Variants in NDUFAF2 observed in about 807,000 individuals in gnomAD.
The protein encoded by NDUFAF2 is NADH dehydrogenase [ubiquinone] 1 alpha subcomplex assembly factor 2.
A neutral mutation model predicts 22.8 loss-of-function variants in NDUFAF2; 13 were observed. The observed-to-expected ratio is 0.57, with a 90% CI of 0.37 to 0.91. The LOEUF (loss-of-function observed/expected upper bound fraction) is 0.91, where lower values mean the gene tolerates loss of function less well. Among genes scored for constraint, NDUFAF2 ranks in the 40% least tolerant of loss-of-function variants. NDUFAF2 has a pLI of 0.01. For synonymous variants in NDUFAF2, 53 were observed against 64.2 expected (o/e 0.83, Z 0.84); for missense variants, 162 against 195.2 (o/e 0.83, Z 1.01).
At chr5:61,073,333 A>C in intron 2 of NDUFAF2, 119 bp downstream of exon 2, 1 of 778,960 alleles carries the variant, frequency 1.3e-6, no homozygotes. Context: ...TTAGTGTCTG[A>C]ATGTTTGAAA....
chr5:61,017,545 A>C (rs2112601512), intron 1 of NDUFAF2, among the ~76,000 whole-genome samples: 1 of 152,328 alleles, frequency 6.6e-6, no homozygotes, highest in Non-Finnish European at 1.5e-5. Context: ...GCCAGCTTGC[A>C]CCAGCCCGTT....
At chr5:60,994,422 A>G (rs1426947677) in intron 1 of NDUFAF2, among the ~76,000 whole-genome samples, 1 of 151,854 alleles carries the variant, frequency 6.6e-6, no homozygotes, top group Non-Finnish European at 1.5e-5. Context: ...CACCTGGGGA[A>G]CTCCCGCTCC....
chr5:60,991,046 A>G (rs1044430475), intron 1 of NDUFAF2, among the ~76,000 whole-genome samples: 6 of 152,226 alleles, frequency 3.9e-5, no homozygotes, highest in Non-Finnish European at 5.9e-5. Flanking sequence ...AGTGCATACC[A>G]CAAAATAGAC....
chr5:60,972,992 C>T (rs182477826), intron 1 of NDUFAF2, among the ~76,000 whole-genome samples: 1 of 151,444 alleles, frequency 6.6e-6, no homozygotes, highest in Admixed American at 6.6e-5. Flanking sequence ...GAGCTTATAC[C>T]CCTTTTCTTT....
intron 3 of NDUFAF2, among the ~76,000 whole-genome samples, chr5:61,143,958 TTTTGTGTGTGTGTGTGTG>T (rs1288771016): frequency 1.2e-4 from 15 of 125,636 alleles, no homozygotes; most frequent in East Asian, 2.1e-4. Context: ...AATGGCATAT[TTTTGTGTGTGTGTGTGTG>T]TGTGTGTGTG....
At chr5:61,057,289 C>A (rs868657641) in intron 1 of NDUFAF2, among the ~76,000 whole-genome samples, 6 of 152,258 alleles carry the variant, frequency 3.9e-5, no homozygotes, top group Middle Eastern at 3.4e-3. Flanking sequence ...CATAGATTCA[C>A]AGCTGAAGTA....
chr5:61,087,173 ACT>A (rs1284037173), intron 2 of NDUFAF2, among the ~76,000 whole-genome samples: 1 of 151,952 alleles, frequency 6.6e-6, no homozygotes, highest in Non-Finnish European at 1.5e-5. Flanking sequence ...AGAGAGCTGT[ACT>A]CTCTCCCTGA....
chr5:60,967,324 CT>C (rs1309028664), intron 1 of NDUFAF2, among the ~76,000 whole-genome samples: 1 of 151,784 alleles, frequency 6.6e-6, no homozygotes, highest in African/African-American at 2.4e-5. Flanking sequence ...ATTCAGATGT[CT>C]TTTATTTATT....
chr5:61,071,621 A>G (rs920678699), intron 1 of NDUFAF2, among the ~76,000 whole-genome samples: 1 of 152,214 alleles, frequency 6.6e-6, no homozygotes, highest in South Asian at 2.1e-4. Context: ...TATATTTAGC[A>G]TAGTGTAAGA....
chr5:61,050,601 T>C (rs547673699), intron 1 of NDUFAF2: 6 of 152,168 alleles, frequency 3.9e-5, no homozygotes, highest in Non-Finnish European at 7.4e-5. Context: ...AGAATACAGC[T>C]GTCCTCAGAC....
intron 1 of NDUFAF2, among the ~76,000 whole-genome samples, chr5:61,044,407 C>T (rs760480988): frequency 2.6e-5 from 4 of 152,080 alleles, no homozygotes; most frequent in Non-Finnish European, 5.9e-5. Flanking sequence ...CTTTTGGTAT[C>T]ATATCCAAGA....
chr5:61,032,443 G>T (rs1751740091), intron 1 of NDUFAF2, among the ~76,000 whole-genome samples: 1 of 152,092 alleles, frequency 6.6e-6, no homozygotes, highest in South Asian at 2.1e-4. Flanking sequence ...TTCTGCATAT[G>T]GCTAGCCAGT....
chr5:61,001,765 G>A (rs74996333), intron 1 of NDUFAF2, among the ~76,000 whole-genome samples: 3,657 of 152,014 alleles, frequency 0.024, 61 homozygotes, highest in Non-Finnish European at 0.037. Context: ...TCAGGGTTTG[G>A]CATCTCAGGC....
chr5:60,952,243 T>C (rs1750557571), intron 1 of NDUFAF2, among the ~76,000 whole-genome samples: 1 of 152,014 alleles, frequency 6.6e-6, no homozygotes, highest in Non-Finnish European at 1.5e-5. Flanking sequence ...CATCGTTTTC[T>C]TCTGCTTTCA....
At chr5:61,116,579 CAG>C (rs1034045745) in intron 3 of NDUFAF2, 2 of 152,102 alleles carry the variant, frequency 1.3e-5, no homozygotes, top group Non-Finnish European at 2.9e-5. Context: ...AGCTAGAAGA[CAG>C]AGAAGTAACG....
chr5:61,125,863 A>T (rs189466463), intron 3 of NDUFAF2, among the ~76,000 whole-genome samples: 1 of 152,204 alleles, frequency 6.6e-6, no homozygotes, highest in African/African-American at 2.4e-5. Context: ...TGGCTACCAT[A>T]GTAATAAATA....
intron 2 of NDUFAF2, among the ~76,000 whole-genome samples, chr5:61,078,745 GA>G (rs931608867): frequency 5.1e-4 from 73 of 143,886 alleles, no homozygotes; most frequent in Non-Finnish European, 6.6e-4. Flanking sequence ...CGTCTCACAA[GA>G]AAAAAAAAAA....
intron 3 of NDUFAF2, among the ~76,000 whole-genome samples, chr5:61,127,012 A>G (rs554351556): frequency 1.6e-3 from 245 of 152,306 alleles, no homozygotes; most frequent in Non-Finnish European, 2.8e-3. Flanking sequence ...AAACACCTCT[A>G]CGCAAATAAA....
intron 3 of NDUFAF2, among the ~76,000 whole-genome samples, chr5:61,137,123 C>G (rs916936178): frequency 6.6e-6 from 1 of 152,122 alleles, no homozygotes; most frequent in Non-Finnish European, 1.5e-5. Context: ...TTTTCCCTTA[C>G]CTCTTAAATT....
Sources: gnomAD v4.1 joint callset for allele counts (sites outside exome capture counted in the v4.1 genomes callset) on GRCh38, gnomAD v4.1.1 for gene constraint, MANE v1.5 for transcripts, NCBI Gene and HGNC (gene_info 2026-07-23, HGNC 2026-07-21) for gene names.